Variants in SLC7A6OS observed in about 807,000 individuals in gnomAD.
SLC7A6OS encodes the protein probable RNA polymerase II nuclear localization protein SLC7A6OS.
In SLC7A6OS, 22 loss-of-function variants were observed where a neutral mutation model predicts 34.3. The observed-to-expected ratio is 0.64, with a 90% confidence interval of 0.46 to 0.92. The LOEUF is 0.92. Ranked by LOEUF, SLC7A6OS falls within the 40% of genes least tolerant of loss-of-function variation. SLC7A6OS has a pLI of 0.00. For missense variants in SLC7A6OS, 434 were observed against 407.7 expected, an observed-to-expected ratio of 1.06 and a Z score of -0.56; for synonymous variants, 199 against 165.0, an observed-to-expected ratio of 1.21 and a Z score of -1.58.
At chr16:68,307,856 G>A (rs1388419042) in intron 2 of SLC7A6OS, among the ~76,000 whole-genome samples, 2 of 151,980 alleles carry the variant, frequency 1.3e-5, no homozygotes, top group Non-Finnish European at 2.9e-5. Flanking sequence ...TGTTCATATC[G>A]GTCATCAGTT....
intron 3 of SLC7A6OS, among the ~76,000 whole-genome samples, chr16:68,303,030 G>A (rs562028807): frequency 4.0e-4 from 60 of 151,872 alleles, no homozygotes; most frequent in African/African-American, 1.3e-3. Context: ...TTGGGAGGCC[G>A]AGGTGGGTGG....
intron 4 of SLC7A6OS, 74 bp from the exon 5 acceptor site, chr16:68,301,479 G>C (rs1687572517): frequency 7.2e-7 from 1 of 1,387,714 alleles, no homozygotes; most frequent in African/African-American, 1.4e-5. Context: ...TCTCTTCTCA[G>C]AAAGGTCTGT....
chr16:68,305,394 T>C (rs1314660521), intron 2 of SLC7A6OS, among the ~76,000 whole-genome samples: 1 of 152,146 alleles, frequency 6.6e-6, no homozygotes, highest in African/African-American at 2.4e-5. Context: ...TGCCCCAGAA[T>C]AGAAATGGCC....
intron 2 of SLC7A6OS, among the ~76,000 whole-genome samples, chr16:68,307,102 G>C (rs1786483978): frequency 6.6e-6 from 1 of 152,192 alleles, no homozygotes; most frequent in Non-Finnish European, 1.5e-5. Context: ...TAAGGGTCCA[G>C]ACAGTTGTAT....
intron 4 of SLC7A6OS, 47 bp from the exon 5 acceptor site, chr16:68,301,452 C>G: frequency 2.6e-6 from 4 of 1,568,088 alleles, no homozygotes; most frequent in African/African-American, 1.4e-5. Context: ...TTTTCCTAGG[C>G]TACTGCAGGA....
At chr16:68,303,263 CAAAA>C (rs796694122) in intron 3 of SLC7A6OS, among the ~76,000 whole-genome samples, 1 of 84,158 alleles carries the variant, frequency 1.2e-5, no homozygotes. Flanking sequence ...GACTCCATCT[CAAAA>C]AAAAAAAAAA....
In SLC7A6OS at chr16:68,301,144, C is replaced by A. The variant is rs1597018595; in HGVS notation, c.*131G>T. The A allele has an allele frequency of 6.9e-7, 1 of 1,455,558 alleles. No homozygotes were observed. The highest frequency in any genetic ancestry group is 1.4e-5 in the African/African-American group (1 of 70,284). The allele number at this position is 1,455,558 out of a possible 1,614,324, so 90.2% of individuals were successfully genotyped here. On this transcript the variant is annotated 3_prime_UTR_variant, in exon 5 of 5. Transcript: ENST00000263997. ...TTCACTGTGGTGGGATGGTGCCGCCCGATATGCTTGATATGCTTTTCCTTC... is the reference window on the plus strand; with the variant it reads ...TTCACTGTGGTGGGATGGTGCCGCCAGATATGCTTGATATGCTTTTCCTTC...
At chr16:68,310,254 G>C in intron 2 of SLC7A6OS, 81 bp downstream of exon 2, 1 of 1,430,282 alleles carries the variant, frequency 7.0e-7, no homozygotes, top group Non-Finnish European at 9.4e-7. Flanking sequence ...CCCTTAAGAT[G>C]AAACTGTGCT....
At position 68,298,347 on chromosome 16, in the gene SLC7A6OS, A is replaced by G. The variant is rs957002313; in HGVS notation, c.*2928T>C. 4.6e-5 allele frequency: 7 copies of G among 152,672 alleles called. No individual in the cohort carries two copies. Among genetic ancestry groups the G allele is most frequent in the Non-Finnish European group, 1.0e-4 (7 of 68,052 alleles). 9.5% of individuals were successfully genotyped at this position (152,672 alleles called of 1,614,324 possible). A position where few individuals can be genotyped will look rare whatever the true frequency, so the allele number is the denominator to read the frequency against. On this transcript the variant is annotated 3_prime_UTR_variant, in exon 5 of 5. Transcript: ENST00000263997. ...GCTTGGAGAACATCTCATGGGCCCA[A>G]GTCATCAAATAACCTGTTCCTCTCT...
Position 68,299,895 on chromosome 16 carries a change from A to G in SLC7A6OS, c.*1380T>C, listed in dbSNP as rs2043239446. 1 of 152,240 alleles carries G rather than the reference A, an allele frequency of 6.6e-6. No homozygotes were observed. Among genetic ancestry groups the G allele is most frequent in the African/African-American group, 2.4e-5 (1 of 41,458 alleles). The allele number at this position is 152,240 out of a possible 1,614,324, so 9.4% of individuals were successfully genotyped here. ...ATTTAATCACTTCGGCAGGTTGAAC[A>G]ACTCCATGTAGATAAGAGCAAGTGT... is the stretch of plus-strand genomic sequence containing the variant. On this transcript the variant is annotated 3_prime_UTR_variant, in exon 5 of 5. Coordinates refer to ENST00000263997, the MANE Select transcript of SLC7A6OS (RefSeq NM_032178.3).
intron 2 of SLC7A6OS, among the ~76,000 whole-genome samples, chr16:68,310,112 T>G (rs2151247203): frequency 6.6e-6 from 1 of 152,338 alleles, no homozygotes; most frequent in African/African-American, 2.4e-5. Flanking sequence ...TCTACCTGCA[T>G]GTTAGGTCCT....
intron 2 of SLC7A6OS, among the ~76,000 whole-genome samples, 186 bp from the exon 3 acceptor site, chr16:68,304,418 T>C (rs1284019158): frequency 6.6e-6 from 1 of 152,144 alleles, no homozygotes; most frequent in African/African-American, 2.4e-5. Flanking sequence ...CCTCCCAGGT[T>C]CAAGCGTTTC....
chr16:68,306,193 T>A (rs547090902), intron 2 of SLC7A6OS, among the ~76,000 whole-genome samples: 123 of 152,348 alleles, frequency 8.1e-4, no homozygotes, highest in African/African-American at 2.9e-3. Context: ...CTATATTTTT[T>A]CAAATTTCCC....
At position 68,298,612 on chromosome 16, in the gene SLC7A6OS, G is replaced by A. The variant is rs2043215537; in HGVS notation, c.*2663C>T. On this transcript the variant is annotated 3_prime_UTR_variant, in exon 5 of 5. Transcript: ENST00000263997. Reference sequence around the variant, plus strand: ...TCTCAGGAAGAGCTTGGTACTTGTGGGGACTTCTGTTTTCTCCCTGTGGAG... The same window carrying A: ...TCTCAGGAAGAGCTTGGTACTTGTGAGGACTTCTGTTTTCTCCCTGTGGAG... 6.6e-6 allele frequency: 1 copy of A among 152,262 alleles called. No homozygotes were observed. The highest frequency in any genetic ancestry group is 2.4e-5 in the African/African-American group (1 of 41,448). 9.4% of individuals were successfully genotyped at this position (152,262 alleles called of 1,614,324 possible).
At chr16:68,302,131 T>C (rs2043286953) in intron 4 of SLC7A6OS, 2 of 477,820 alleles carry the variant, frequency 4.2e-6, no homozygotes, top group Non-Finnish European at 7.4e-6. Flanking sequence ...TGAGGTGAAG[T>C]AACTGCCCAA....
At chr16:68,304,393 TC>T (rs1004578809) in intron 2 of SLC7A6OS, among the ~76,000 whole-genome samples, 161 bp from the exon 3 acceptor site, 1 of 152,184 alleles carries the variant, frequency 6.6e-6, no homozygotes, top group Non-Finnish European at 1.5e-5. Flanking sequence ...TGGTCTTGGC[TC>T]ACTGCAACCT....
At chr16:68,305,110 T>A (rs1387302703) in intron 2 of SLC7A6OS, among the ~76,000 whole-genome samples, 2 of 152,018 alleles carry the variant, frequency 1.3e-5, no homozygotes, top group Non-Finnish European at 2.9e-5. Context: ...AAGCTCTGAG[T>A]CAGACCTGCT....
rs575368801 is a variant in SLC7A6OS at position 68,306,506 on chromosome 16, C to T, written c.472-2274G>A. On this transcript the variant is annotated intron_variant, in intron 2 of 4. Transcript: ENST00000263997. ...TGCTGGCATCACAGGCATGAGCCAC[C>T]GCGCCCGGCCTATTATTGCTTAAAG... 3.0e-4 allele frequency among the ~76,000 whole-genome samples: 45 copies of T among 152,096 alleles called. 1 individual carries two copies. Among genetic ancestry groups the T allele is most frequent in the Middle Eastern group, 6.8e-3 (2 of 292 alleles).
rs1041949013 is a variant in SLC7A6OS at position 68,300,396 on chromosome 16, GTTGTTAATAAAA to G, written c.*867_*878del. The stretch of plus-strand genomic sequence containing the variant: ...CAGAGTCTGCTTAGAAGAGATACAA[GTTGTTAATAAAA>G]TTGATCCTGTTGATAGTAGTTTGTT... On this transcript the variant is annotated 3_prime_UTR_variant, in exon 5 of 5. Transcript: ENST00000263997. 6.4e-5 allele frequency: 10 copies of G among 155,146 alleles called. No individual in the cohort carries two copies. The highest frequency in any genetic ancestry group is 5.9e-4 in the Admixed American group (9 of 15,284). The allele number at this position is 155,146 out of a possible 1,614,324, so 9.6% of individuals were successfully genotyped here.
Sources: gnomAD v4.1 joint callset for allele counts (sites outside exome capture counted in the v4.1 genomes callset) on GRCh38, gnomAD v4.1.1 for gene constraint, MANE v1.5 for transcripts, NCBI Gene and HGNC (gene_info 2026-07-23, HGNC 2026-07-21) for gene names.